Variants in EDN3 observed in about 807,000 individuals in gnomAD.
EDN3 encodes endothelin-3.
A neutral mutation model predicts 21.4 loss-of-function variants in EDN3; 9 were observed. The observed-to-expected ratio is 0.42, with a 90% confidence interval of 0.25 to 0.73. The LOEUF is 0.73. Ranked by LOEUF, EDN3 falls within the 30% of genes least tolerant of loss-of-function variation. The pLI, the probability that EDN3 is intolerant of heterozygous loss-of-function variation, is 0.26. For missense variants in EDN3, 327 were observed against 309.4 expected (o/e 1.06, Z -0.43); for synonymous variants, 133 against 126.2 (o/e 1.05, Z -0.36).
intron 2 of EDN3, among the ~76,000 whole-genome samples, chr20:59,309,479 A>G (rs1249435373): frequency 6.6e-6 from 1 of 152,190 alleles, no homozygotes. Flanking sequence ...AGGAAATCCC[A>G]CAGACATCTA....
chr20:59,301,072 C>A (rs901890091), intron 1 of EDN3, among the ~76,000 whole-genome samples: 2 of 152,238 alleles, frequency 1.3e-5, no homozygotes, highest in Non-Finnish European at 2.9e-5. Context: ...GCAGCCCGCG[C>A]ACTGGCTGGA....
chr20:59,311,369 G>A (rs1989798610), intron 2 of EDN3, among the ~76,000 whole-genome samples: 1 of 152,216 alleles, frequency 6.6e-6, no homozygotes, highest in Admixed American at 6.5e-5. Context: ...AAGAATGGCT[G>A]CTCCATAGAG....
At position 59,322,086 on chromosome 20, in the gene EDN3, G is replaced by A. The variant is rs1300142486; in HGVS notation, c.543-286G>A. Among the ~76,000 whole-genome samples, 1 of 152,142 alleles carries A rather than the reference G, an allele frequency of 6.6e-6. No individual in the cohort carries two copies. Among genetic ancestry groups the A allele is most frequent in the Non-Finnish European group, 1.5e-5 (1 of 68,028 alleles). On this transcript the variant is annotated intron_variant, in intron 3 of 4. Transcript: ENST00000337938. The surrounding 1 kb of genome is among the most constrained non-coding windows in gnomAD (Gnocchi z 4.1). The stretch of plus-strand genomic sequence containing the variant: ...CAACAAGGCAGACGGTAGCGCTCAG[G>A]ACCCCAGGATCTGCCGTCTGTGAAA...
intron 2 of EDN3, among the ~76,000 whole-genome samples, chr20:59,311,118 TCCACTTA>T (rs149574677): frequency 6.6e-6 from 1 of 152,278 alleles, no homozygotes; most frequent in East Asian, 1.9e-4. Context: ...CTGAGCTTGC[TCCACTTA>T]CCTCACCTGC....
At chr20:59,314,218 T>C (rs1269519650) in intron 2 of EDN3, among the ~76,000 whole-genome samples, 2 of 152,226 alleles carry the variant, frequency 1.3e-5, no homozygotes. Flanking sequence ...GGGTTTGTCC[T>C]GATTCTGAAC....
rs11570344 is a variant in EDN3 at position 59,322,388 on chromosome 20, GA to G, written c.565del (p.Thr189GlnfsTer20). The G allele has an allele frequency of 6.2e-6, 10 of 1,614,052 alleles. No individual in the cohort carries two copies. The highest frequency in any genetic ancestry group is 8.5e-6 in the Non-Finnish European group (10 of 1,180,014). On this transcript the variant is annotated frameshift_variant, in exon 4 of 5. Transcript: ENST00000337938. LOFTEE classifies it low-confidence loss of function (END_TRUNC). The surrounding 1 kb of genome is among the most constrained non-coding windows in gnomAD (Gnocchi z 4.1). ...TCCCCACAGTAATTCAAGGACGGCAGAAAAAACAGACAAAGAAGAGGAAGGG... is the reference window on the plus strand; with the variant it reads ...TCCCCACAGTAATTCAAGGACGGCAGAAAAACAGACAAAGAAGAGGAAGGG... The part of the protein sequence containing the change: ...LDVSSNSRTA[E>X]KTDKEEEGKV...
At chr20:59,317,227 A>G (rs573179562) in intron 2 of EDN3, among the ~76,000 whole-genome samples, 1 of 152,352 alleles carries the variant, frequency 6.6e-6, no homozygotes, top group African/African-American at 2.4e-5. Context: ...AGAAGTGCTC[A>G]TGAGCTGGTA....
intron 2 of EDN3, among the ~76,000 whole-genome samples, chr20:59,309,166 G>A (rs896983169): frequency 6.6e-6 from 1 of 152,170 alleles, no homozygotes; most frequent in Non-Finnish European, 1.5e-5. Flanking sequence ...CGCTCTTTGC[G>A]GGCACCCGTC....
chr20:59,322,368 A>T lies in EDN3; in HGVS notation c.543-4A>T, dbSNP rs770090736. ...ATTGATTAAAACCAGCTCTCTCCCC[A>T]CAGTAATTCAAGGACGGCAGAAAAA... On this transcript the variant is annotated splice_polypyrimidine_tract_variant and splice_region_variant and intron_variant, in intron 3 of 4. Transcript: ENST00000337938. This position sits in a 1 kb window ranked among gnomAD's most constrained non-coding sequence, Gnocchi z 4.1. 2 of 1,614,218 alleles carry T rather than the reference A, an allele frequency of 1.2e-6. No individual in the cohort carries two copies. The highest frequency in any genetic ancestry group is 1.1e-5 in the South Asian group (1 of 91,080).
Position 59,322,335 on chromosome 20 carries a change from G to A in EDN3, c.543-37G>A, listed in dbSNP as rs368764269. ...ACCGAAAAACCAGCCACAGGGAAAG[G>A]CAGGTTGATTGATTAAAACCAGCTC... On this transcript the variant is annotated intron_variant, in intron 3 of 4. Coordinates refer to ENST00000337938, the MANE Select transcript of EDN3 (RefSeq NM_207034.3). The surrounding 1 kb of genome is among the most constrained non-coding windows in gnomAD (Gnocchi z 4.1). 5 of 1,612,948 alleles carry A rather than the reference G, an allele frequency of 3.1e-6. No homozygotes were observed. The African/African-American group carries it at 6.7e-5, about 22-fold the overall frequency.
intron 2 of EDN3, among the ~76,000 whole-genome samples, chr20:59,315,221 A>T (rs1451480468): frequency 1.3e-5 from 2 of 152,206 alleles, no homozygotes; most frequent in African/African-American, 4.8e-5. Flanking sequence ...AGGGTCTAGA[A>T]GTTGTTTCTC....
intron 2 of EDN3, among the ~76,000 whole-genome samples, chr20:59,314,735 G>A (rs1023097161): frequency 6.6e-6 from 1 of 152,110 alleles, no homozygotes; most frequent in Non-Finnish European, 1.5e-5. Context: ...ATTCTCCAAA[G>A]AGAAGGTGGC....
intron 2 of EDN3, among the ~76,000 whole-genome samples, chr20:59,306,594 G>GAAAAAAAAAAAAAAAAAAAA (rs1989430275): frequency 3.5e-5 from 1 of 28,646 alleles, no homozygotes; most frequent in Non-Finnish European, 6.4e-5. Flanking sequence ...TGCATAAAGA[G>GAAAAAAAAAAAAAAAAAAAA]TAAAAAAAAA....
intron 2 of EDN3, among the ~76,000 whole-genome samples, chr20:59,302,799 G>A (rs897031391): frequency 6.6e-5 from 10 of 152,118 alleles, no homozygotes; most frequent in Non-Finnish European, 1.0e-4. Context: ...TCCCGGAGCC[G>A]TCTTGATTCA....
chr20:59,314,611 A>T (rs1336744777), intron 2 of EDN3, among the ~76,000 whole-genome samples: 1 of 152,014 alleles, frequency 6.6e-6, no homozygotes, highest in African/African-American at 2.4e-5. Context: ...GAGTCTTGGG[A>T]GAGAGTGGGT....
At chr20:59,302,823 C>G (rs535943924) in intron 2 of EDN3, among the ~76,000 whole-genome samples, 1 of 152,294 alleles carries the variant, frequency 6.6e-6, no homozygotes, top group South Asian at 2.1e-4. Context: ...TCCTCACGGT[C>G]ACCTTTATCC....
chr20:59,324,607 C>CG lies in EDN3; in HGVS notation c.*148_*149insG. On this transcript the variant is annotated 3_prime_UTR_variant, in exon 5 of 5. Transcript: ENST00000337938. ...GTCCCCACTTAACAATACCCCCCCCCCACGGCAAGAATGCCCAAATCCGAA... is the reference window on the plus strand; with the variant it reads ...GTCCCCACTTAACAATACCCCCCCCCGCACGGCAAGAATGCCCAAATCCGAA... 9.3e-7 allele frequency: 1 copy of CG among 1,076,764 alleles called. No homozygotes were observed. Among genetic ancestry groups the CG allele is most frequent in the South Asian group, 1.4e-5 (1 of 71,430 alleles). 66.7% of individuals were successfully genotyped at this position (1,076,764 alleles called of 1,614,324 possible). A position where few individuals can be genotyped will look rare whatever the true frequency, so the allele number is the denominator to read the frequency against.
At position 59,324,569 on chromosome 20, in the gene EDN3, AC is replaced by A; in HGVS notation, c.*113del. The A allele has an allele frequency of 6.7e-7, 1 of 1,485,714 alleles. No individual in the cohort carries two copies. Among genetic ancestry groups the A allele is most frequent in the Non-Finnish European group, 9.2e-7 (1 of 1,082,092 alleles). 92.0% of individuals were successfully genotyped at this position (1,485,714 alleles called of 1,614,324 possible). On this transcript the variant is annotated 3_prime_UTR_variant, in exon 5 of 5. Coordinates refer to ENST00000337938, the MANE Select transcript of EDN3 (RefSeq NM_207034.3). ...GAAGTGAATTTGCCTGGGGCAGAAC[AC>A]CCACCCAAAGAGTCCCCACTTAACA... is the stretch of plus-strand genomic sequence containing the variant.
Position 59,301,612 on chromosome 20 carries a change from C to T in EDN3, c.255C>T (p.Ala85=), listed in dbSNP as rs1989038784. The change falls in exon 2 of 5, where the codon GCC becomes GCT. Residue 85 remains alanine (A), a synonymous_variant. Transcript: ENST00000337938. ...SPGSPGQEQA[A]EGAPEHHRSR... The stretch of plus-strand genomic sequence containing the variant: ...GAAGCCCTGGGCAGGAGCAGGCGGC[C>T]GAGGGGGCCCCTGAGCACCACCGAT... 3 of 1,613,926 alleles carry T rather than the reference C, an allele frequency of 1.9e-6. No individual in the cohort carries two copies. Among genetic ancestry groups the T allele is most frequent in the African/African-American group, 1.3e-5 (1 of 74,934 alleles).
Sources: gnomAD v4.1 joint callset for allele counts (sites outside exome capture counted in the v4.1 genomes callset) on GRCh38, gnomAD v4.1.1 for gene constraint, Gnocchi (gnomAD v3.1) non-coding constraint, MANE v1.5 for transcripts, NCBI Gene and HGNC (gene_info 2026-07-23, HGNC 2026-07-21) for gene names.